RAI1: variants seen among roughly 807,000 people sequenced by gnomAD.
RAI1 encodes the protein retinoic acid-induced protein 1.
In RAI1, 9 loss-of-function variants were observed where a neutral mutation model predicts 123.8. The ratio of observed to expected loss-of-function variants is 0.07; its 90% CI spans 0.04 to 0.13. The LOEUF (loss-of-function observed/expected upper bound fraction) is 0.13, where lower values mean the gene tolerates loss of function less well. RAI1 is among the 10% of genes least tolerant of loss of function. RAI1 has a pLI of 1.00. For synonymous variants in RAI1, 1,231 were observed against 1,127.3 expected, an observed-to-expected ratio of 1.09 and a Z score of -1.84; for missense variants, 2,256 against 2,545.8, an observed-to-expected ratio of 0.89 and a Z score of 2.45.
Position 17,793,566 on chromosome 17 carries a change from T to C in RAI1, c.618T>C (p.Gly206=). The change falls in exon 3 of 6, where the codon GGT becomes GGC. Residue 206 remains glycine, a synonymous_variant. Transcript: ENST00000353383. The part of the protein sequence containing the change: ...DIASPLPFPQ[G]THFPQHSQSF... ...CCTCCCCTCTGCCCTTCCCCCAGGG[T>C]ACCCACTTTCCTCAGCATTCCCAGT... The C allele has an allele frequency of 6.2e-7, 1 of 1,613,664 alleles. No homozygotes were observed. The highest frequency in any genetic ancestry group is 8.5e-7 in the Non-Finnish European group (1 of 1,179,938).
intron 2 of RAI1, among the ~76,000 whole-genome samples, chr17:17,734,718 G>A (rs765263973): frequency 6.6e-6 from 1 of 152,248 alleles, no homozygotes; most frequent in Non-Finnish European, 1.5e-5. Context: ...GAGCGTGTAG[G>A]TGTATTACAT....
rs2032277975 is a variant in RAI1 at position 17,796,847 on chromosome 17, C to G, written c.3899C>G (p.Ala1300Gly). ...CTCCCACCCCCGGAGACCCCCGATG[C>G]CTGCCTCAAGCTCGCCTCTCGGGCA... ...TKLPPPETPD[A>G]CLKLASRAAF... Residue 1300 changes from alanine (A) to glycine (G), a missense_variant, in exon 3 of 6, where the codon GCC becomes GGC. This residue lies in a region of RAI1 where 322 missense variants were observed against 358.0 expected (regional missense o/e 0.90). Transcript: ENST00000353383. This position sits in a 1 kb window ranked among gnomAD's most constrained non-coding sequence, Gnocchi z 5.8. 1 of 1,612,244 alleles carries G rather than the reference C, an allele frequency of 6.2e-7. No homozygotes were observed. The highest frequency in any genetic ancestry group is 1.3e-5 in the African/African-American group (1 of 74,904).
chr17:17,748,667 G>A (rs765438839), intron 2 of RAI1, among the ~76,000 whole-genome samples: 1 of 152,186 alleles, frequency 6.6e-6, no homozygotes, highest in Non-Finnish European at 1.5e-5. Context: ...GTAGGAGGAT[G>A]GGAGCCGAGG....
chr17:17,757,363 CG>C lies in RAI1; in HGVS notation c.-17+33210del, dbSNP rs577459684. On this transcript the variant is annotated intron_variant, in intron 2 of 5. Coordinates refer to ENST00000353383, the MANE Select transcript of RAI1 (RefSeq NM_030665.4). ...GATCAGGAGGCAGTGTGGGCCAAGC[CG>C]GGGGGCGGCAGGATGTGAGCACAGA... Among the ~76,000 whole-genome samples, 40 of 152,256 alleles carry C rather than the reference CG, an allele frequency of 2.6e-4. 1 individual carries two copies. The South Asian group carries it at 5.4e-3, about 21-fold the overall frequency.
intron 2 of RAI1, among the ~76,000 whole-genome samples, chr17:17,781,391 G>T (rs867448593): frequency 6.6e-6 from 1 of 152,348 alleles, no homozygotes; most frequent in Non-Finnish European, 1.5e-5. Context: ...CCCCAGGGGG[G>T]CCTCTGAGCT....
chr17:17,695,112 C>T (rs1229521588), intron 1 of RAI1, among the ~76,000 whole-genome samples: 1 of 152,070 alleles, frequency 6.6e-6, no homozygotes, highest in Non-Finnish European at 1.5e-5. Flanking sequence ...GAGACTGGAC[C>T]CCTACCGCTT....
chr17:17,798,090 AAAG>A lies in RAI1; in HGVS notation c.5146_5148del (p.Lys1716del). 6.2e-7 allele frequency: 1 copy of A among 1,613,976 alleles called. No homozygotes were observed. The highest frequency in any genetic ancestry group is 8.5e-7 in the Non-Finnish European group (1 of 1,180,020). ...ACTACCCTGAACACTGCCTCCCCAAAAAGAAGCCAAAACTCAAGGAGAAGGTGC... is the reference window on the plus strand; with the variant it reads ...ACTACCCTGAACACTGCCTCCCCAAAAAGCCAAAACTCAAGGAGAAGGTGC... On this transcript the variant is annotated inframe_deletion, in exon 3 of 6. Transcript: ENST00000353383.
intron 2 of RAI1, among the ~76,000 whole-genome samples, chr17:17,790,180 G>A (rs554383067): frequency 6.6e-6 from 1 of 152,154 alleles, no homozygotes; most frequent in Admixed American, 6.5e-5. Flanking sequence ...AATAACAACA[G>A]AGCCCATAGC....
chr17:17,809,407 G>C lies in RAI1; in HGVS notation c.5677G>C (p.Glu1893Gln). Residue 1893 changes from glutamate (E) to glutamine (Q), a missense_variant, in exon 5 of 6, where the codon GAG becomes CAG. This residue lies in a region of RAI1 where 243 missense variants were observed against 316.6 expected (regional missense o/e 0.77). Transcript: ENST00000353383. The surrounding 1 kb of genome is among the most constrained non-coding windows in gnomAD (Gnocchi z 4.9). ...ASDAGCIFIE[E>Q]NFSLKCPKHK... Reference sequence around the variant, plus strand: ...GGTCACAGGTTGCATATTCATCGAAGAGAACTTTTCTTTGAAATGTCCCAA... The same window carrying C: ...GGTCACAGGTTGCATATTCATCGAACAGAACTTTTCTTTGAAATGTCCCAA... 1 of 1,609,938 alleles carries C rather than the reference G, an allele frequency of 6.2e-7. No individual in the cohort carries two copies. The highest frequency in any genetic ancestry group is 1.3e-5 in the African/African-American group (1 of 74,962).
At chr17:17,804,545 C>T (rs2032559689) in intron 4 of RAI1, among the ~76,000 whole-genome samples, 1 of 152,012 alleles carries the variant, frequency 6.6e-6, no homozygotes, top group Admixed American at 6.6e-5. Flanking sequence ...TTCCTTATTT[C>T]ATCCAGAGAA....
Position 17,774,622 on chromosome 17 carries a change from C to G in RAI1, c.-16-18311C>G, listed in dbSNP as rs562109517. Among the ~76,000 whole-genome samples, 4 of 152,402 alleles carry G rather than the reference C, an allele frequency of 2.6e-5. No homozygotes were observed. The South Asian group carries it at 8.3e-4, about 32-fold the overall frequency. On this transcript the variant is annotated intron_variant, in intron 2 of 5. Coordinates refer to ENST00000353383, the MANE Select transcript of RAI1 (RefSeq NM_030665.4). ...GAGGCTGTGGGCTGGAGCCAGGTTT[C>G]TGTCACTTCAAGGAGCTCCTGTCTT...
chr17:17,784,949 C>T (rs1342609846), intron 2 of RAI1, among the ~76,000 whole-genome samples: 2 of 152,160 alleles, frequency 1.3e-5, no homozygotes, highest in African/African-American at 2.4e-5. Context: ...GTGCCTTCAT[C>T]CTTCCCCACA....
At chr17:17,784,333 G>C (rs2031741720) in intron 2 of RAI1, among the ~76,000 whole-genome samples, 1 of 152,242 alleles carries the variant, frequency 6.6e-6, no homozygotes, top group African/African-American at 2.4e-5. Flanking sequence ...CTAGGCTGGG[G>C]AAGGCGGAAG....
At chr17:17,798,594 C>T in intron 3 of RAI1, 81 bp downstream of exon 3, 3 of 1,568,388 alleles carry the variant, frequency 1.9e-6, no homozygotes, top group East Asian at 2.3e-5. Context: ...CCCCTTGTTT[C>T]TAGTGCTACA....
Position 17,792,976 on chromosome 17 carries a change from T to G in RAI1, c.28T>G (p.Phe10Val), listed in dbSNP as rs2032076527. 1 of 1,612,418 alleles carries G rather than the reference T, an allele frequency of 6.2e-7. No homozygotes were observed. The highest frequency in any genetic ancestry group is 1.3e-5 in the African/African-American group (1 of 74,740). ...GCAGTCTTTTCGAGAAAGGTGTGGT[T>G]TCCATGGCAAACAACAGAACTACCA... The part of the protein sequence containing the change: MQSFRERCG[F>V]HGKQQNYQQT... Residue 10 changes from phenylalanine to valine, a missense_variant, in exon 3 of 6, where the codon TTC becomes GTC. Physicochemically the swap from Phe to Val is conservative, Grantham distance 50 (BLOSUM62 -1). Transcript: ENST00000353383.
At chr17:17,683,269 C>T (rs951759675) in intron 1 of RAI1, among the ~76,000 whole-genome samples, 1 of 152,016 alleles carries the variant, frequency 6.6e-6, no homozygotes, top group Non-Finnish European at 1.5e-5. Flanking sequence ...GTGGGTTAGG[C>T]TAGCTCTGAT....
intron 2 of RAI1, among the ~76,000 whole-genome samples, chr17:17,739,714 G>A (rs966448022): frequency 1.2e-4 from 19 of 152,318 alleles, no homozygotes; most frequent in Non-Finnish European, 2.6e-4. Context: ...GGGATTTTGA[G>A]GTCTTATGCC....
intron 1 of RAI1, among the ~76,000 whole-genome samples, chr17:17,706,678 G>A (rs1409439346): frequency 5.3e-5 from 8 of 152,190 alleles, no homozygotes; most frequent in African/African-American, 1.9e-4. Context: ...GATGTAGGGT[G>A]GTGAATGGAC....
intron 2 of RAI1, among the ~76,000 whole-genome samples, chr17:17,769,979 C>T (rs924455511): frequency 3.9e-5 from 6 of 152,080 alleles, no homozygotes; most frequent in Non-Finnish European, 4.4e-5. Context: ...CACGGGAGGA[C>T]GGCAGGGCGG....
Sources: gnomAD v4.1 joint callset for allele counts (sites outside exome capture counted in the v4.1 genomes callset) on GRCh38, gnomAD v4.1.1 for gene constraint, gnomAD v4.1.1 regional missense constraint, Gnocchi (gnomAD v3.1) non-coding constraint, MANE v1.5 for transcripts, NCBI Gene and HGNC (gene_info 2026-07-23, HGNC 2026-07-21) for gene names.